APH1B: variants seen among roughly 807,000 people sequenced by gnomAD.
The protein encoded by APH1B is aph-1B gamma-secretase subunit, also known as gamma-secretase subunit APH-1B.
Under a neutral mutation model 28.2 loss-of-function variants are expected in APH1B, and 27 were observed. The ratio of observed to expected loss-of-function variants is 0.96; its 90% CI spans 0.70 to 1.32. The LOEUF (loss-of-function observed/expected upper bound fraction) is 1.32. APH1B is among the 40% of genes most tolerant of loss of function. The pLI is 0.00. For synonymous variants in APH1B, 141 were observed against 124.6 expected, an observed-to-expected ratio of 1.13 and a Z score of -0.88; for missense variants, 305 against 313.6, an observed-to-expected ratio of 0.97 and a Z score of 0.21.
chr15:63,283,904 T>C (rs1254556953), intron 2 of APH1B, among the ~76,000 whole-genome samples: 4 of 152,186 alleles, frequency 2.6e-5, no homozygotes, highest in Non-Finnish European at 5.9e-5. Context: ...CTTTTGTATG[T>C]GATTATCTAG....
At chr15:63,290,644 C>G (rs2038495466) in intron 4 of APH1B, among the ~76,000 whole-genome samples, 1 of 152,178 alleles carries the variant, frequency 6.6e-6, no homozygotes, top group African/African-American at 2.4e-5. Context: ...ACCCATGCTC[C>G]CAGGCCACAG....
In APH1B at chr15:63,296,291, G is replaced by A. The variant is rs1215086672; in HGVS notation, c.479-6054G>A. ...CTGACCTTTCTACTACTTAGAAAAA[G>A]AAGCCAAAAGCCCATTGATCTTCAC... is the stretch of plus-strand genomic sequence containing the variant. On this transcript the variant is annotated intron_variant, in intron 4 of 5. Coordinates refer to ENST00000261879, the MANE Select transcript of APH1B (RefSeq NM_031301.4). Among the ~76,000 whole-genome samples, 10 of 152,284 alleles carry A rather than the reference G, an allele frequency of 6.6e-5. No homozygotes were observed. In the South Asian group the frequency reaches 2.1e-3, roughly 32 times the overall value.
intron 4 of APH1B, among the ~76,000 whole-genome samples, chr15:63,298,791 C>T (rs2038593897): frequency 1.3e-5 from 2 of 151,994 alleles, no homozygotes; most frequent in South Asian, 4.2e-4. Flanking sequence ...TTGTCCAAAG[C>T]CACGCAGTGG....
chr15:63,279,381 TA>T (rs1567026525), intron 2 of APH1B, 50 bp downstream of exon 2: 7 of 1,528,262 alleles, frequency 4.6e-6, no homozygotes, highest in Non-Finnish European at 5.4e-6. Flanking sequence ...AGATTTTAGT[TA>T]TGATTTGGTC....
chr15:63,285,802 G>T (rs4984259), intron 2 of APH1B, among the ~76,000 whole-genome samples: 7 of 152,052 alleles, frequency 4.6e-5, no homozygotes, highest in Non-Finnish European at 1.0e-4. Flanking sequence ...TTCATTCAAG[G>T]GTTCATTTAT....
rs2038707455 is a variant in APH1B, at chr15:63,308,271, G to A, written c.*2490G>A. The A allele has an allele frequency of 6.6e-6, 1 of 152,138 alleles. No homozygotes were observed. The allele number at this position is 152,138 out of a possible 1,614,324, so 9.4% of individuals were successfully genotyped here. On this transcript the variant is annotated 3_prime_UTR_variant, in exon 6 of 6. Coordinates refer to ENST00000261879, the MANE Select transcript of APH1B (RefSeq NM_031301.4). ...TTGCAATTCTTGAATATATTACCAT[G>A]TGAATAATAGAGACTGTGTTGCTCT...
intron 2 of APH1B, among the ~76,000 whole-genome samples, chr15:63,284,116 T>C (rs2038419542): frequency 6.6e-6 from 1 of 152,222 alleles, no homozygotes; most frequent in Non-Finnish European, 1.5e-5. Context: ...AATGGAGAAG[T>C]GTAAGTCTTT....
intron 4 of APH1B, among the ~76,000 whole-genome samples, chr15:63,297,805 C>T (rs1330425618): frequency 6.6e-6 from 1 of 152,100 alleles, no homozygotes; most frequent in Non-Finnish European, 1.5e-5. Context: ...ACCTCTTAAC[C>T]AACTGCAGAG....
At chr15:63,289,628 T>C (rs1223133332) in intron 4 of APH1B, among the ~76,000 whole-genome samples, 1 of 152,202 alleles carries the variant, frequency 6.6e-6, no homozygotes, top group Non-Finnish European at 1.5e-5. Context: ...GAAAAAACTG[T>C]TTCATGCACA....
chr15:63,289,630 T>C (rs2038483506), intron 4 of APH1B, among the ~76,000 whole-genome samples: 1 of 152,204 alleles, frequency 6.6e-6, no homozygotes, highest in Non-Finnish European at 1.5e-5. Flanking sequence ...AAAAACTGTT[T>C]CATGCACAAA....
chr15:63,294,111 T>A (rs1004522040), intron 4 of APH1B, among the ~76,000 whole-genome samples: 1 of 137,172 alleles, frequency 7.3e-6, no homozygotes, highest in African/African-American at 3.4e-5. Context: ...TCACAGACAT[T>A]TTTTTTTTTG....
At chr15:63,285,600 A>G (rs2038436718) in intron 2 of APH1B, among the ~76,000 whole-genome samples, 1 of 152,174 alleles carries the variant, frequency 6.6e-6, no homozygotes, top group Non-Finnish European at 1.5e-5. Context: ...GCCACAACAG[A>G]AGGATGCATA....
chr15:63,295,876 T>G (rs937879370), intron 4 of APH1B, among the ~76,000 whole-genome samples: 3 of 152,344 alleles, frequency 2.0e-5, no homozygotes, highest in Middle Eastern at 6.8e-3. Flanking sequence ...TTATCTTCAT[T>G]GTGTAGAGGA....
At chr15:63,277,945 C>T in intron 1 of APH1B, 1 of 579,854 alleles carries the variant, frequency 1.7e-6, no homozygotes, top group Non-Finnish European at 3.0e-6. Flanking sequence ...GGCCTTTTGC[C>T]TGGGGCTCAT....
Position 63,305,921 on chromosome 15 carries a change from T to C in APH1B, c.*140T>C. The C allele has an allele frequency of 1.7e-6, 2 of 1,156,612 alleles. No individual in the cohort carries two copies. The highest frequency in any genetic ancestry group is 2.4e-6 in the Non-Finnish European group (2 of 844,262). The allele number at this position is 1,156,612 out of a possible 1,614,324, so 71.6% of individuals were successfully genotyped here. On this transcript the variant is annotated 3_prime_UTR_variant, in exon 6 of 6. Transcript: ENST00000261879. ...CAGATATGCGTTCCATTCACTTGGC[T>C]TTCACACAACTGCTCTCCGAAAGGG...
Position 63,305,881 on chromosome 15 carries a change from A to G in APH1B, c.*100A>G. 2.1e-6 allele frequency: 3 copies of G among 1,438,090 alleles called. No individual in the cohort carries two copies. Among genetic ancestry groups the G allele is most frequent in the Non-Finnish European group, 2.8e-6 (3 of 1,073,838 alleles). The allele number at this position is 1,438,090 out of a possible 1,614,324, so 89.1% of individuals were successfully genotyped here. ...TCCCTTTTTCTGGTGGAATTGAGAA[A>G]GAAATAAAACTATGCAGATATGCGT... On this transcript the variant is annotated 3_prime_UTR_variant, in exon 6 of 6. Coordinates refer to ENST00000261879, the MANE Select transcript of APH1B (RefSeq NM_031301.4).
chr15:63,298,445 A>T (rs2038590737), intron 4 of APH1B, among the ~76,000 whole-genome samples: 1 of 152,124 alleles, frequency 6.6e-6, no homozygotes, highest in Non-Finnish European at 1.5e-5. Flanking sequence ...TCCTGGGCTC[A>T]AGTGGTCCAC....
At chr15:63,287,783 T>C (rs1414358383) in intron 4 of APH1B, among the ~76,000 whole-genome samples, 2 of 152,220 alleles carry the variant, frequency 1.3e-5, no homozygotes, top group Admixed American at 1.3e-4. Context: ...GTACTGACAA[T>C]GTTGCTATAT....
intron 4 of APH1B, among the ~76,000 whole-genome samples, 199 bp from the exon 5 acceptor site, chr15:63,302,146 T>C (rs1160833234): frequency 2.0e-5 from 3 of 152,188 alleles, no homozygotes; most frequent in Admixed American, 2.0e-4. Context: ...AGGTTTACAT[T>C]CTAGACAAGA....
Sources: allele counts gnomAD v4.1 joint callset (sites outside exome capture counted in the v4.1 genomes callset), GRCh38; gene constraint gnomAD v4.1.1; transcripts MANE v1.5; gene names NCBI Gene and HGNC (gene_info 2026-07-23, HGNC 2026-07-21).